Variants in NXPH2 observed in about 807,000 individuals in gnomAD.
NXPH2 encodes the protein neurexophilin 2.
In NXPH2, 5 loss-of-function variants were observed where a neutral mutation model predicts 19.8. The observed-to-expected ratio is 0.25, with a 90% CI of 0.13 to 0.53. The LOEUF (loss-of-function observed/expected upper bound fraction) is 0.53, where lower values mean the gene tolerates loss of function less well. Among genes scored for constraint, NXPH2 ranks in the 20% least tolerant of loss-of-function variants. The probability of loss-of-function intolerance (pLI) is 0.96; values close to 1 mark genes in which losing one functional copy is unlikely to be tolerated. For missense variants in NXPH2, 289 were observed against 322.8 expected (o/e 0.90, Z 0.80); for synonymous variants, 154 against 127.4 (o/e 1.21, Z -1.41).
chr2:138,699,100 T>TAAACATATATATACAC (rs1417398390), intron 1 of NXPH2, among the ~76,000 whole-genome samples: 1 of 152,102 alleles, frequency 6.6e-6, no homozygotes, highest in Admixed American at 6.6e-5. Flanking sequence ...TGTATGTACA[T>TAAACATATATATACAC]AAACATATAT....
chr2:138,780,149 G>C (rs1055987332), intron 1 of NXPH2, 42 bp downstream of exon 1: 2 of 1,467,794 alleles, frequency 1.4e-6, no homozygotes. Flanking sequence ...CCGCCGAAAC[G>C]CGTCCCCGGC....
chr2:138,699,580 G>A (rs554511688), intron 1 of NXPH2, among the ~76,000 whole-genome samples: 1 of 152,200 alleles, frequency 6.6e-6, no homozygotes, highest in Non-Finnish European at 1.5e-5. Context: ...GAGACTCGAT[G>A]AGTAGGGTTA....
chr2:138,711,858 T>G (rs896382196), intron 1 of NXPH2, among the ~76,000 whole-genome samples: 2 of 152,254 alleles, frequency 1.3e-5, no homozygotes, highest in African/African-American at 4.8e-5. Context: ...AGTGTTTCCA[T>G]GATCACTCTA....
At chr2:138,702,609 A>G (rs928260545) in intron 1 of NXPH2, among the ~76,000 whole-genome samples, 22 of 140,094 alleles carry the variant, frequency 1.6e-4, no homozygotes, top group Admixed American at 1.5e-3. Flanking sequence ...AATAAGCTGC[A>G]TAAATTAACT....
At chr2:138,744,436 C>T (rs1026560972) in intron 1 of NXPH2, among the ~76,000 whole-genome samples, 1 of 151,968 alleles carries the variant, frequency 6.6e-6, no homozygotes, top group African/African-American at 2.4e-5. Context: ...GACTACTTCA[C>T]ATCATTCCTT....
At chr2:138,766,172 T>C (rs1196117027) in intron 1 of NXPH2, among the ~76,000 whole-genome samples, 1 of 152,192 alleles carries the variant, frequency 6.6e-6, no homozygotes, top group African/African-American at 2.4e-5. Flanking sequence ...CACTCAAAGA[T>C]ATTGGTTGAA....
At chr2:138,675,527 T>C (rs144033315) in intron 1 of NXPH2, among the ~76,000 whole-genome samples, 16 of 152,206 alleles carry the variant, frequency 1.1e-4, no homozygotes, top group African/African-American at 3.9e-4. Flanking sequence ...ATAATAGTAA[T>C]AATAATAGCA....
chr2:138,689,917 G>A (rs1680722924), intron 1 of NXPH2, among the ~76,000 whole-genome samples: 1 of 152,178 alleles, frequency 6.6e-6, no homozygotes, highest in African/African-American at 2.4e-5. Context: ...ACTTGTGGTG[G>A]AACAAATGGG....
chr2:138,733,470 C>T (rs534363801), intron 1 of NXPH2, among the ~76,000 whole-genome samples: 1 of 152,230 alleles, frequency 6.6e-6, no homozygotes, highest in East Asian at 1.9e-4. Flanking sequence ...GTTAATATTT[C>T]AGGTAACATA....
chr2:138,678,115 G>C (rs1680514580), intron 1 of NXPH2, among the ~76,000 whole-genome samples: 1 of 152,080 alleles, frequency 6.6e-6, no homozygotes, highest in Non-Finnish European at 1.5e-5. Context: ...AACTTGTCTT[G>C]GTTACAAGTT....
At chr2:138,683,344 C>T (rs1680604762) in intron 1 of NXPH2, among the ~76,000 whole-genome samples, 1 of 152,106 alleles carries the variant, frequency 6.6e-6, no homozygotes, top group African/African-American at 2.4e-5. Context: ...CAACATGAAT[C>T]TATGTCTTGA....
intron 1 of NXPH2, among the ~76,000 whole-genome samples, chr2:138,746,099 T>C (rs1421681762): frequency 2.6e-5 from 4 of 152,208 alleles, no homozygotes; most frequent in Non-Finnish European, 4.4e-5. Context: ...CTGAATGGAC[T>C]AGGTTGGCAC....
At chr2:138,698,554 C>T (rs1680864856) in intron 1 of NXPH2, among the ~76,000 whole-genome samples, 1 of 152,098 alleles carries the variant, frequency 6.6e-6, no homozygotes, top group Non-Finnish European at 1.5e-5. Context: ...AGGTAACTTG[C>T]TATTTAATGT....
chr2:138,780,123 C>T (rs1682328053), intron 1 of NXPH2, 68 bp downstream of exon 1: 1 of 1,425,568 alleles, frequency 7.0e-7, no homozygotes, highest in Non-Finnish European at 9.2e-7. Flanking sequence ...CCAAGTCAGC[C>T]GCCTGCGCGG....
At chr2:138,673,044 T>C (rs890626678) in intron 1 of NXPH2, among the ~76,000 whole-genome samples, 3 of 152,234 alleles carry the variant, frequency 2.0e-5, no homozygotes, top group African/African-American at 7.2e-5. Context: ...TAGGTTTCTT[T>C]AAAATTATTT....
chr2:138,738,798 C>T (rs1435680129), intron 1 of NXPH2, among the ~76,000 whole-genome samples: 1 of 152,174 alleles, frequency 6.6e-6, no homozygotes, highest in Non-Finnish European at 1.5e-5. Context: ...AATATGTTAT[C>T]GCTCATGCCA....
chr2:138,670,183 A>G lies in NXPH2; in HGVS notation c.*739T>C, dbSNP rs1462146757. On this transcript the variant is annotated 3_prime_UTR_variant, in exon 2 of 2. Coordinates refer to ENST00000272641, the MANE Select transcript of NXPH2 (RefSeq NM_007226.3). ...ATTTGAATTTATCAGAAGAGTCTAA[A>G]AACATCATGATTTTTGTTATCGTTC... Among the ~76,000 whole-genome samples the G allele has an allele frequency of 1.3e-5, 2 of 152,230 alleles. No individual in the cohort carries two copies. Among genetic ancestry groups the G allele is most frequent in the African/African-American group, 4.8e-5 (2 of 41,458 alleles).
chr2:138,734,546 A>T (rs1007901441), intron 1 of NXPH2, among the ~76,000 whole-genome samples: 1 of 152,196 alleles, frequency 6.6e-6, no homozygotes, highest in African/African-American at 2.4e-5. Flanking sequence ...GCTGAATTTT[A>T]AAAAAGGAAT....
chr2:138,715,577 G>T (rs1334776034), intron 1 of NXPH2, among the ~76,000 whole-genome samples: 1 of 152,204 alleles, frequency 6.6e-6, no homozygotes, highest in Non-Finnish European at 1.5e-5. Flanking sequence ...GAACACCTCT[G>T]TGTCACTGGT....
Sources: gnomAD v4.1 joint callset for allele counts (sites outside exome capture counted in the v4.1 genomes callset) on GRCh38, gnomAD v4.1.1 for gene constraint, MANE v1.5 for transcripts, NCBI Gene and HGNC (gene_info 2026-07-23, HGNC 2026-07-21) for gene names.